ZC2HC1C: variants seen among roughly 807,000 people sequenced by gnomAD.
The protein encoded by ZC2HC1C is zinc finger C2HC-type containing 1C.
Under a neutral mutation model 39.2 loss-of-function variants are expected in ZC2HC1C, and 25 were observed. The ratio of observed to expected loss-of-function variants is 0.64; its 90% CI spans 0.47 to 0.89. The LOEUF (loss-of-function observed/expected upper bound fraction) is 0.89. Ranked by LOEUF, ZC2HC1C falls within the 40% of genes least tolerant of loss-of-function variation. ZC2HC1C has a pLI of 0.00. For missense variants in ZC2HC1C, 519 were observed against 548.6 expected, an observed-to-expected ratio of 0.95 and a Z score of 0.54; for synonymous variants, 209 against 214.4, an observed-to-expected ratio of 0.97 and a Z score of 0.22.
At position 75,070,817 on chromosome 14, in the gene ZC2HC1C, A is replaced by T; in HGVS notation, c.244A>T (p.Ser82Cys). Residue 82 changes from serine to cysteine, a missense_variant, in exon 2 of 3, where the codon AGC becomes TGC. Transcript: ENST00000524913. ...ATGGAACACCCAAACAAAAGCCCGG[A>T]GCTACTCCTATCCCCACTGTACTGG... is the stretch of plus-strand genomic sequence containing the variant. The part of the protein sequence containing the change: ...PKWNTQTKAR[S>C]YSYPHCTGIS... 6.2e-7 allele frequency: 1 copy of T among 1,614,192 alleles called. No individual in the cohort carries two copies. Among genetic ancestry groups the T allele is most frequent in the South Asian group, 1.1e-5 (1 of 91,086 alleles).
At position 75,079,586 on chromosome 14, in the gene ZC2HC1C, T is replaced by C. The variant is rs1043493929; in HGVS notation, c.*2022T>C. 4 of 152,264 alleles carry C rather than the reference T, an allele frequency of 2.6e-5. No homozygotes were observed. The highest frequency in any genetic ancestry group is 9.6e-5 in the African/African-American group (4 of 41,474). The allele number at this position is 152,264 out of a possible 1,614,324, so 9.4% of individuals were successfully genotyped here. On this transcript the variant is annotated 3_prime_UTR_variant, in exon 3 of 3. Transcript: ENST00000524913. ...AGGTCACAAAATGGCAACATGTGGATTGCTTTGCTCCACAGATGTTTTATT... is the reference window on the plus strand; with the variant it reads ...AGGTCACAAAATGGCAACATGTGGACTGCTTTGCTCCACAGATGTTTTATT...
chr14:75,073,047 A>G (rs1180349554), intron 2 of ZC2HC1C, among the ~76,000 whole-genome samples: 5 of 152,132 alleles, frequency 3.3e-5, no homozygotes, highest in Admixed American at 6.5e-5. Flanking sequence ...CTGTGCTGGC[A>G]CCTCTTGTCC....
In ZC2HC1C at chr14:75,078,434, T is replaced by C. The variant is rs1893776408; in HGVS notation, c.*870T>C. 1 of 152,100 alleles carries C rather than the reference T, an allele frequency of 6.6e-6. No homozygotes were observed. The highest frequency in any genetic ancestry group is 1.5e-5 in the Non-Finnish European group (1 of 68,034). The allele number at this position is 152,100 out of a possible 1,614,324, so 9.4% of individuals were successfully genotyped here. A position where few individuals can be genotyped will look rare whatever the true frequency, so the allele number is the denominator to read the frequency against. On this transcript the variant is annotated 3_prime_UTR_variant, in exon 3 of 3. Coordinates refer to ENST00000524913, the MANE Select transcript of ZC2HC1C (RefSeq NM_024643.4). ...AAAGATCTTTATGTACTTTACAGGG[T>C]AGGGATGGGTGTTGGGGGGGAAACA...
Position 75,071,769 on chromosome 14 carries a change from T to C in ZC2HC1C, c.1196T>C (p.Leu399Pro), listed in dbSNP as rs1474592505. 5 of 1,614,004 alleles carry C rather than the reference T, an allele frequency of 3.1e-6. No homozygotes were observed. In the African/African-American group the frequency reaches 4.0e-5, roughly 13 times the overall value. The change falls in exon 2 of 3, where the codon CTC becomes CCC. Residue 399 changes from leucine (L) to proline (P), a missense_variant. Leu to Pro is a moderately conservative substitution (Grantham distance 98, BLOSUM62 -3). Coordinates refer to ENST00000524913, the MANE Select transcript of ZC2HC1C (RefSeq NM_024643.4). Reference sequence around the variant, plus strand: ...TGCAGCCACTGTGGGCGCAAATTCCTCTCGTTCAGGCTGGAGAGACACTCC... The same window carrying C: ...TGCAGCCACTGTGGGCGCAAATTCCCCTCGTTCAGGCTGGAGAGACACTCC... ...GECSHCGRKFLSFRLERHSNI... is the reference protein window; with the variant it reads ...GECSHCGRKFPSFRLERHSNI...
In ZC2HC1C at chr14:75,077,717, C is replaced by A; in HGVS notation, c.*153C>A. 1 of 853,954 alleles carries A rather than the reference C, an allele frequency of 1.2e-6. No homozygotes were observed. The highest frequency in any genetic ancestry group is 2.3e-5 in the Admixed American group (1 of 43,582). 52.9% of individuals were successfully genotyped at this position (853,954 alleles called of 1,614,324 possible). On this transcript the variant is annotated 3_prime_UTR_variant, in exon 3 of 3. Coordinates refer to ENST00000524913, the MANE Select transcript of ZC2HC1C (RefSeq NM_024643.4). ...CTCAGTGTAGCCACCACTTTGCTCC[C>A]AAGGTGGCTGAGCAACACATTCCCA...
rs1156967499 is a variant in ZC2HC1C, at chr14:75,070,841, G to A, written c.268G>A (p.Gly90Arg). 3 of 1,614,210 alleles carry A rather than the reference G, an allele frequency of 1.9e-6. No homozygotes were observed. In the East Asian group the frequency reaches 6.7e-5, roughly 36 times the overall value. ...GAGCTACTCCTATCCCCACTGTACT[G>A]GAATCAGCCAGCAAGATCCAGAAAG... ...ARSYSYPHCT[G>R]ISQQDPESDS... The change falls in exon 2 of 3, where the codon GGA becomes AGA. Residue 90 changes from glycine (G) to arginine (R), a missense_variant. By Grantham distance (125) the Gly-to-Arg change is moderately radical (BLOSUM62 -2). Coordinates refer to ENST00000524913, the MANE Select transcript of ZC2HC1C (RefSeq NM_024643.4).
In ZC2HC1C at chr14:75,070,987, G is replaced by A. The variant is rs61732369; in HGVS notation, c.414G>A (p.Ala138=). ...FTKKRVGVDR[A]FPLKPMVHRK... is the part of the protein sequence containing the mutation. ...AGAAACGAGTTGGAGTGGACCGGGCGTTCCCATTGAAACCCATGGTCCACA... is the reference window on the plus strand; with the variant it reads ...AGAAACGAGTTGGAGTGGACCGGGCATTCCCATTGAAACCCATGGTCCACA... The change falls in exon 2 of 3, where the codon GCG becomes GCA. Residue 138 remains alanine, a synonymous_variant. Coordinates refer to ENST00000524913, the MANE Select transcript of ZC2HC1C (RefSeq NM_024643.4). 1.1e-3 allele frequency: 1,746 copies of A among 1,614,136 alleles called. 15 individuals carry two copies. In the African/African-American group the frequency reaches 0.021, roughly 19 times the overall value.
At position 75,078,551 on chromosome 14, in the gene ZC2HC1C, A is replaced by G. The variant is rs923234888; in HGVS notation, c.*987A>G. On this transcript the variant is annotated 3_prime_UTR_variant, in exon 3 of 3. Transcript: ENST00000524913. Reference sequence around the variant, plus strand: ...TAGCTGTTAGTAGCACTCTACTTTCAAATCGGTTTGGCTAAATGACTGTTT... The same window carrying G: ...TAGCTGTTAGTAGCACTCTACTTTCGAATCGGTTTGGCTAAATGACTGTTT... 5.9e-5 allele frequency: 9 copies of G among 152,176 alleles called. No individual in the cohort carries two copies. The highest frequency in any genetic ancestry group is 2.2e-4 in the African/African-American group (9 of 41,432). 9.4% of individuals were successfully genotyped at this position (152,176 alleles called of 1,614,324 possible).
rs758982265 is a variant in ZC2HC1C, at chr14:75,071,831, GTGTT to G, written c.1261_1264del (p.Phe421ThrfsTer12). On this transcript the variant is annotated frameshift_variant, in exon 2 of 3. Coordinates refer to ENST00000524913, the MANE Select transcript of ZC2HC1C (RefSeq NM_024643.4). LOFTEE classifies it high-confidence loss of function. ...CAGGATGCGGGGTTCCAAGAGGAAA[GTGTT>G]TGACTCCTCCAGGGCCCGGGCTAAG... 100 of 1,614,170 alleles carry G rather than the reference GTGTT, an allele frequency of 6.2e-5. No homozygotes were observed. In the African/African-American group the frequency reaches 1.1e-3, roughly 19 times the overall value.
intron 2 of ZC2HC1C, chr14:75,073,422 C>A: frequency 2.5e-6 from 1 of 404,808 alleles, no homozygotes; most frequent in Non-Finnish European, 4.4e-6. Flanking sequence ...TACGGTGAAG[C>A]AAAATAATTA....
At chr14:75,070,322 C>T (rs1350072019) in intron 1 of ZC2HC1C, among the ~76,000 whole-genome samples, 1 of 152,134 alleles carries the variant, frequency 6.6e-6, no homozygotes, top group Non-Finnish European at 1.5e-5. Context: ...AGCTAGGTGG[C>T]AGGAACACCT....
Position 75,077,552 on chromosome 14 carries a change from C to T in ZC2HC1C, c.1359C>T (p.Ser453=), listed in dbSNP as rs1265330124. The T allele has an allele frequency of 6.2e-7, 1 of 1,614,198 alleles. No individual in the cohort carries two copies. The highest frequency in any genetic ancestry group is 8.5e-7 in the Non-Finnish European group (1 of 1,180,034). ...TACAGGCTGAACCTCCTCAGAAGAG[C>T]AACTGGAGATAGAAGCATGAATCTT... ...ASAKAEPPQK[S]NWR The change falls in exon 3 of 3, where the codon AGC becomes AGT. Residue 453 remains serine (S), a synonymous_variant. Transcript: ENST00000524913.
rs368299395 is a variant in ZC2HC1C, at chr14:75,079,003, G to C, written c.*1439G>C. 1 of 152,114 alleles carries C rather than the reference G, an allele frequency of 6.6e-6. No homozygotes were observed. The highest frequency in any genetic ancestry group is 2.4e-5 in the African/African-American group (1 of 41,404). 9.4% of individuals were successfully genotyped at this position (152,114 alleles called of 1,614,324 possible). On this transcript the variant is annotated 3_prime_UTR_variant, in exon 3 of 3. Transcript: ENST00000524913. ...GAGAGTATTATCAGTTCAGATAGGA[G>C]TGAAGTTAGCACAACAGATAGAAAT...
chr14:75,075,076 T>A (rs1316653729), intron 2 of ZC2HC1C, among the ~76,000 whole-genome samples: 1 of 152,360 alleles, frequency 6.6e-6, no homozygotes, highest in East Asian at 1.9e-4. Context: ...TACCTAAAAT[T>A]AATAATGGAC....
In ZC2HC1C at chr14:75,071,412, C is replaced by T. The variant is rs770176325; in HGVS notation, c.839C>T (p.Thr280Ile). ...AGAGTTAAAGGTAATAAAAGCAACACCATGTACAAACCTATCTTCTCCCCA... is the reference window on the plus strand; with the variant it reads ...AGAGTTAAAGGTAATAAAAGCAACATCATGTACAAACCTATCTTCTCCCCA... ...RSRVKGNKSN[T>I]MYKPIFSPEF... Residue 280 changes from threonine (T) to isoleucine (I), a missense_variant, in exon 2 of 3, where the codon ACC becomes ATC. Coordinates refer to ENST00000524913, the MANE Select transcript of ZC2HC1C (RefSeq NM_024643.4). 1 of 1,614,124 alleles carries T rather than the reference C, an allele frequency of 6.2e-7. No individual in the cohort carries two copies.
rs1331492609 is a variant in ZC2HC1C, at chr14:75,070,931, G to C, written c.358G>C (p.Ala120Pro). 1.2e-6 allele frequency: 2 copies of C among 1,614,204 alleles called. No homozygotes were observed. The highest frequency in any genetic ancestry group is 1.7e-6 in the Non-Finnish European group (2 of 1,180,042). ...AGGCCCTCAATCCTGGTATCCCAAA[G>C]CCAATAACCAGGACTTTATCCCCTT... ...SSGPQSWYPKANNQDFIPFTK... is the reference protein window; with the variant it reads ...SSGPQSWYPKPNNQDFIPFTK... The change falls in exon 2 of 3, where the codon GCC becomes CCC. Residue 120 changes from alanine to proline, a missense_variant. Physicochemically the swap from Ala to Pro is conservative, Grantham distance 27 (BLOSUM62 -1). Coordinates refer to ENST00000524913, the MANE Select transcript of ZC2HC1C (RefSeq NM_024643.4).
In ZC2HC1C at chr14:75,078,004, G is replaced by C. The variant is rs1485532259; in HGVS notation, c.*440G>C. On this transcript the variant is annotated 3_prime_UTR_variant, in exon 3 of 3. Transcript: ENST00000524913. Reference sequence around the variant, plus strand: ...CCCACTAAATTACAACCTTGGGCTGGTATGCTTTATGTTATTGCCCTCAGA... The same window carrying C: ...CCCACTAAATTACAACCTTGGGCTGCTATGCTTTATGTTATTGCCCTCAGA... The C allele has an allele frequency of 5.3e-6, 1 of 189,056 alleles. No individual in the cohort carries two copies. Among genetic ancestry groups the C allele is most frequent in the Admixed American group, 5.6e-5 (1 of 17,890 alleles). 11.7% of individuals were successfully genotyped at this position (189,056 alleles called of 1,614,324 possible).
rs1350910322 is a variant in ZC2HC1C, at chr14:75,070,879, C to T, written c.306C>T (p.Gly102=). ...AAGATCCAGAAAGTGATTCCCAGGG[C>T]CAAGGAAATGGTTTGTTTTACTCGT... ...SQQDPESDSQ[G]QGNGLFYSSG... is the part of the protein sequence containing the mutation. The change falls in exon 2 of 3, where the codon GGC becomes GGT. Residue 102 remains glycine (G), a synonymous_variant. Transcript: ENST00000524913. 1 of 1,614,220 alleles carries T rather than the reference C, an allele frequency of 6.2e-7. No individual in the cohort carries two copies. The highest frequency in any genetic ancestry group is 8.5e-7 in the Non-Finnish European group (1 of 1,180,032).
chr14:75,074,566 T>G (rs958974304), intron 2 of ZC2HC1C, among the ~76,000 whole-genome samples: 2 of 150,568 alleles, frequency 1.3e-5, no homozygotes, highest in African/African-American at 2.4e-5. Flanking sequence ...ACATTACCTG[T>G]TTTTTTTTGT....
Sources: gnomAD v4.1 joint callset for allele counts (sites outside exome capture counted in the v4.1 genomes callset) on GRCh38, gnomAD v4.1.1 for gene constraint, MANE v1.5 for transcripts, NCBI Gene and HGNC (gene_info 2026-07-23, HGNC 2026-07-21) for gene names.